The following NOX4 variants were observed in gnomAD, a reference collection of about 807,000 sequenced individuals.
The protein encoded by NOX4 is kidney oxidase-1.
Under a neutral mutation model 87.6 loss-of-function variants are expected in NOX4, and 69 were observed. The observed-to-expected ratio is 0.79, with a 90% CI of 0.65 to 0.96. NOX4 has a LOEUF of 0.96. Among genes scored for constraint, NOX4 ranks in the 40% least tolerant of loss-of-function variants. The probability of loss-of-function intolerance (pLI) is 0.00; values close to 1 mark genes in which losing one functional copy is unlikely to be tolerated. For missense variants in NOX4, 680 were observed against 681.5 expected (o/e 1.00, Z 0.02); for synonymous variants, 275 against 238.2 (o/e 1.15, Z -1.42).
intron 9 of NOX4, among the ~76,000 whole-genome samples, chr11:89,400,600 A>T (rs1461214156): frequency 2.0e-5 from 3 of 152,044 alleles, no homozygotes; most frequent in Non-Finnish European, 4.4e-5. Flanking sequence ...CCTACCCTCA[A>T]TCTCATGCCC....
chr11:89,387,119 C>G (rs1014196471), intron 11 of NOX4, among the ~76,000 whole-genome samples: 1 of 152,000 alleles, frequency 6.6e-6, no homozygotes, highest in African/African-American at 2.4e-5. Context: ...CATACCACCC[C>G]CAAAAATTTT....
chr11:89,533,240 G>A, the NOX4 span, among the ~76,000 whole-genome samples: 3 of 152,136 alleles, frequency 2.0e-5, no homozygotes, highest in Middle Eastern at 3.4e-3. Context: ...GTTAACAAGT[G>A]ACATGCTCAT....
intron 4 of NOX4, among the ~76,000 whole-genome samples, chr11:89,448,549 T>C (rs1409543190): frequency 6.6e-6 from 1 of 152,204 alleles, no homozygotes; most frequent in Non-Finnish European, 1.5e-5. Flanking sequence ...TAATTCGGGA[T>C]GGAATCCTAA....
chr11:89,556,567 T>C, the NOX4 span, among the ~76,000 whole-genome samples: 1 of 151,812 alleles, frequency 6.6e-6, no homozygotes, highest in African/African-American at 2.4e-5. Flanking sequence ...GAAACCTACA[T>C]CTTCAGGAGT....
At chr11:89,458,144 C>T (rs1365825989) in intron 2 of NOX4, among the ~76,000 whole-genome samples, 1 of 152,180 alleles carries the variant, frequency 6.6e-6, no homozygotes, top group Non-Finnish European at 1.5e-5. Context: ...CCTCACATTA[C>T]CTGACTTCGA....
chr11:89,486,415 T>C (rs892769163), intron 2 of NOX4, among the ~76,000 whole-genome samples: 1 of 149,412 alleles, frequency 6.7e-6, no homozygotes, highest in African/African-American at 2.4e-5. Context: ...TGCCTCAGCC[T>C]TCCAAGTAGC....
chr11:89,399,604 C>T (rs1205860908), intron 11 of NOX4, among the ~76,000 whole-genome samples: 1 of 150,174 alleles, frequency 6.7e-6, no homozygotes, highest in South Asian at 2.1e-4. Context: ...GCTGGGACTA[C>T]AGATGTGTAC....
intron 2 of NOX4, among the ~76,000 whole-genome samples, chr11:89,457,634 A>G (rs1945264137): frequency 1.3e-5 from 2 of 151,644 alleles, no homozygotes; most frequent in South Asian, 4.2e-4. Context: ...TCCAGAAATA[A>G]AGTCAGTCTA....
chr11:89,390,434 C>T (rs914219088), intron 11 of NOX4, among the ~76,000 whole-genome samples: 3 of 151,994 alleles, frequency 2.0e-5, no homozygotes, highest in East Asian at 1.9e-4. Flanking sequence ...TATTTAAAGC[C>T]AACTATTGTA....
In NOX4 at chr11:89,460,493, C is replaced by T. The variant is rs564747969; in HGVS notation, c.154-8598G>A. ...AAAAACAACCCCATCAAAAAGTGGG[C>T]GAAGGATATGAACAGACACTTCTCA... On this transcript the variant is annotated intron_variant, in intron 2 of 17. Transcript: ENST00000263317. 9.0e-3 allele frequency among the ~76,000 whole-genome samples: 1,368 copies of T among 152,180 alleles called. 18 individuals carry two copies. Among genetic ancestry groups the T allele is most frequent in the African/African-American group, 0.032 (1,317 of 41,522 alleles).
the NOX4 span, among the ~76,000 whole-genome samples, chr11:89,528,148 T>C: frequency 1.3e-5 from 2 of 152,212 alleles, no homozygotes; most frequent in Non-Finnish European, 2.9e-5. Flanking sequence ...CGGACTTCCA[T>C]GGGGCCTGTA....
chr11:89,451,652 C>T, intron 3 of NOX4, 133 bp downstream of exon 3: 1 of 626,868 alleles, frequency 1.6e-6, no homozygotes, highest in Non-Finnish European at 2.9e-6. Context: ...TGGCAGGTGA[C>T]ATGTCTTTTA....
chr11:89,405,752 G>A (rs317132), intron 8 of NOX4, among the ~76,000 whole-genome samples: 25,168 of 67,970 alleles, frequency 0.37, 2,953 homozygotes, highest in African/African-American at 0.56. Flanking sequence ...GGTTAAAAAA[G>A]AAAAAAAAAA....
intron 2 of NOX4, among the ~76,000 whole-genome samples, chr11:89,478,442 C>T (rs751370404): frequency 2.6e-5 from 4 of 152,072 alleles, no homozygotes; most frequent in Admixed American, 6.5e-5. Context: ...CCACAAAATC[C>T]ATGTTCTTTT....
the NOX4 span, among the ~76,000 whole-genome samples, chr11:89,537,438 T>C: frequency 2.6e-5 from 4 of 151,824 alleles, no homozygotes; most frequent in Admixed American, 2.0e-4. Context: ...TGTATAGTTA[T>C]ACATAAGTAT....
chr11:89,336,470 A>G (rs1945720551), intron 16 of NOX4, among the ~76,000 whole-genome samples: 1 of 151,978 alleles, frequency 6.6e-6, no homozygotes, highest in Non-Finnish European at 1.5e-5. Context: ...AAATTTGGGG[A>G]AATAATCCTA....
At chr11:89,582,310 T>C in the NOX4 span, among the ~76,000 whole-genome samples, 1 of 152,162 alleles carries the variant, frequency 6.6e-6, no homozygotes, top group South Asian at 2.1e-4. Context: ...GTTTTTTCCA[T>C]ATTGTGGCTA....
chr11:89,475,224 G>C (rs1027654786), intron 2 of NOX4, among the ~76,000 whole-genome samples: 1 of 151,752 alleles, frequency 6.6e-6, no homozygotes, highest in Admixed American at 6.6e-5. Context: ...AAATGTTAAT[G>C]GTGGTTATGT....
chr11:89,408,787 C>A (rs1942321035), intron 8 of NOX4, among the ~76,000 whole-genome samples: 1 of 152,166 alleles, frequency 6.6e-6, no homozygotes, highest in African/African-American at 2.4e-5. Flanking sequence ...TTTAGAAAGA[C>A]CCTGCTATTG....
Sources: gnomAD v4.1 joint callset for allele counts (sites outside exome capture counted in the v4.1 genomes callset) on GRCh38, gnomAD v4.1.1 for gene constraint, MANE v1.5 for transcripts, NCBI Gene and HGNC (gene_info 2026-07-23, HGNC 2026-07-21) for gene names.